Variants in KDM4B observed in about 807,000 individuals in gnomAD.
KDM4B encodes the protein lysine demethylase 4B.
In KDM4B, 32 loss-of-function variants were observed where a neutral mutation model predicts 125.2. The observed-to-expected ratio is 0.26, with a 90% CI of 0.19 to 0.34. The LOEUF (loss-of-function observed/expected upper bound fraction) is 0.34. Ranked by LOEUF, KDM4B falls within the 10% of genes least tolerant of loss-of-function variation. KDM4B has a pLI of 1.00. For missense variants in KDM4B, 1,190 were observed against 1,577.7 expected, an observed-to-expected ratio of 0.75 and a Z score of 4.16; for synonymous variants, 721 against 677.9, an observed-to-expected ratio of 1.06 and a Z score of -0.99.
intron 1 of KDM4B, among the ~76,000 whole-genome samples, chr19:5,013,137 G>A (rs1732181076): frequency 6.6e-6 from 1 of 152,218 alleles, no homozygotes; most frequent in African/African-American, 2.4e-5. Context: ...CGTGGTCTTG[G>A]TAGCACCGGG....
rs532407959 is a variant in KDM4B, at chr19:5,055,321, G to C, written c.626+7652G>C. On this transcript the variant is annotated intron_variant, in intron 6 of 22. Transcript: ENST00000159111. ...CAGGCTGGCTCCTGGCTCTTGCTGGGAGCTGGCAGGGACAGACACAGACAC... is the reference window on the plus strand; with the variant it reads ...CAGGCTGGCTCCTGGCTCTTGCTGGCAGCTGGCAGGGACAGACACAGACAC... Among the ~76,000 whole-genome samples the C allele has an allele frequency of 3.3e-5, 5 of 152,368 alleles. No homozygotes were observed. In the East Asian group the frequency reaches 9.6e-4, roughly 29 times the overall value.
intron 1 of KDM4B, among the ~76,000 whole-genome samples, chr19:5,006,005 G>A (rs2035545824): frequency 6.6e-6 from 1 of 152,182 alleles, no homozygotes; most frequent in African/African-American, 2.4e-5. Context: ...CACCTGATCT[G>A]GGGGCTGTGG....
chr19:5,042,642 A>G (rs1225900657), intron 5 of KDM4B, among the ~76,000 whole-genome samples: 1 of 151,932 alleles, frequency 6.6e-6, no homozygotes, highest in Non-Finnish European at 1.5e-5. Context: ...GGCAAAGGTG[A>G]AGGAGGAGCT....
At chr19:4,999,348 C>T (rs1269851812) in intron 1 of KDM4B, among the ~76,000 whole-genome samples, 1 of 152,182 alleles carries the variant, frequency 6.6e-6, no homozygotes, top group Non-Finnish European at 1.5e-5. Context: ...CATGTCCCCA[C>T]CCTGCTCGGA....
At chr19:5,010,369 G>A (rs1465183374) in intron 1 of KDM4B, among the ~76,000 whole-genome samples, 1 of 152,202 alleles carries the variant, frequency 6.6e-6, no homozygotes, top group Non-Finnish European at 1.5e-5. Context: ...GGCTCAGCGT[G>A]GTGGTGTTGA....
intron 1 of KDM4B, among the ~76,000 whole-genome samples, chr19:5,007,010 G>A (rs1011293571): frequency 6.6e-6 from 1 of 152,184 alleles, no homozygotes; most frequent in Non-Finnish European, 1.5e-5. Context: ...ACGAGGCGGG[G>A]CGGGGGTGGT....
intron 15 of KDM4B, among the ~76,000 whole-genome samples, chr19:5,135,773 G>A (rs904357459): frequency 6.6e-6 from 1 of 152,224 alleles, no homozygotes; most frequent in Non-Finnish European, 1.5e-5. Flanking sequence ...ATCTAGAGCA[G>A]GGGGAAAGGC....
At chr19:5,048,364 G>GCC (rs2037100312) in intron 6 of KDM4B, among the ~76,000 whole-genome samples, 1 of 152,226 alleles carries the variant, frequency 6.6e-6, no homozygotes, top group Non-Finnish European at 1.5e-5. Context: ...GCGTGTGTGT[G>GCC]CCCCTGTGTC....
rs1232647875 is a variant in KDM4B at position 5,060,453 on chromosome 19, AAAAAAAAAAAG to A, written c.627-10556_627-10546del. ...GTCTCCAAAAAAAAAAAAAAAAAAA[AAAAAAAAAAAG>A]GGAGCCATGATTGTTCTCCAGCTGC... On this transcript the variant is annotated intron_variant, in intron 6 of 22. Transcript: ENST00000159111. Among the ~76,000 whole-genome samples the A allele has an allele frequency of 5.3e-4, 76 of 143,776 alleles. 4 individuals are homozygous for A. In the East Asian group the frequency reaches 7.2e-3, roughly 14 times the overall value. 94.3% of individuals were successfully genotyped at this position (143,776 alleles called of 152,430 possible).
At chr19:4,970,673 A>G (rs572315163) in intron 1 of KDM4B, among the ~76,000 whole-genome samples, 1 of 146,306 alleles carries the variant, frequency 6.8e-6, no homozygotes, top group Admixed American at 6.9e-5. Flanking sequence ...TTCTCCAATA[A>G]TAGCTTCCTT....
chr19:5,089,467 T>C (rs1288592873), intron 9 of KDM4B, among the ~76,000 whole-genome samples: 3 of 152,166 alleles, frequency 2.0e-5, no homozygotes, highest in Non-Finnish European at 2.9e-5. Context: ...GTTTGCTCCA[T>C]GAGGTTTGCT....
At chr19:5,119,068 G>C in intron 10 of KDM4B, 1 of 1,173,030 alleles carries the variant, frequency 8.5e-7, no homozygotes, top group Non-Finnish European at 1.2e-6. Context: ...GGCGTCCTGG[G>C]GAGTTGAGCA....
At chr19:4,976,956 A>G (rs1466573637) in intron 1 of KDM4B, among the ~76,000 whole-genome samples, 1 of 152,236 alleles carries the variant, frequency 6.6e-6, no homozygotes, top group Non-Finnish European at 1.5e-5. Flanking sequence ...CCTTGATTGA[A>G]ATAAACAATC....
In KDM4B at chr19:5,005,739, C is replaced by A. The variant is rs151257343; in HGVS notation, c.-108-10518C>A. 5.3e-5 allele frequency among the ~76,000 whole-genome samples: 8 copies of A among 152,298 alleles called. No individual in the cohort carries two copies. In the East Asian group the frequency reaches 1.4e-3, roughly 26 times the overall value. On this transcript the variant is annotated intron_variant, in intron 1 of 22. Transcript: ENST00000159111. ...CTCACCCAGGACGTCCCTCTAAGATCGCTCTTAGAGGCTACAGGGCCACGG... is the reference window on the plus strand; with the variant it reads ...CTCACCCAGGACGTCCCTCTAAGATAGCTCTTAGAGGCTACAGGGCCACGG...
At position 5,081,245 on chromosome 19, in the gene KDM4B, A is replaced by C. The variant is rs1405450527; in HGVS notation, c.781-1122A>C. On this transcript the variant is annotated intron_variant, in intron 8 of 22. Transcript: ENST00000159111. The surrounding 1 kb of genome is among the most constrained non-coding windows in gnomAD (Gnocchi z 4.2). ...GTCTGTGGATTGGGCCCACAGCCCC[A>C]CCTCCTAGAAGCCCTTGGCCTGAGC... 2.0e-5 allele frequency among the ~76,000 whole-genome samples: 3 copies of C among 152,088 alleles called. No homozygotes were observed. The highest frequency in any genetic ancestry group is 7.2e-5 in the African/African-American group (3 of 41,386).
chr19:5,066,916 G>A (rs1010336259), intron 6 of KDM4B, among the ~76,000 whole-genome samples: 3 of 152,218 alleles, frequency 2.0e-5, no homozygotes, highest in African/African-American at 7.2e-5. Flanking sequence ...GCTGTGGACA[G>A]TGGTGCAGAG....
At chr19:5,109,711 G>A (rs955460178) in intron 9 of KDM4B, among the ~76,000 whole-genome samples, 2 of 152,052 alleles carry the variant, frequency 1.3e-5, no homozygotes, top group African/African-American at 4.8e-5. Context: ...TAACATTGTC[G>A]TCCCTCCAGC....
At chr19:5,016,189 C>A (rs924544302) in intron 1 of KDM4B, 68 bp from the exon 2 acceptor site, 1 of 152,158 alleles carries the variant, frequency 6.6e-6, no homozygotes, top group Admixed American at 6.5e-5. Flanking sequence ...TGGTGGGAGT[C>A]GAATTTAGAA....
Position 5,151,285 on chromosome 19 carries a change from G to C in KDM4B, c.3115-50G>C, listed in dbSNP as rs754175720. On this transcript the variant is annotated intron_variant, in intron 22 of 22. Coordinates refer to ENST00000159111, the MANE Select transcript of KDM4B (RefSeq NM_015015.3). The stretch of plus-strand genomic sequence containing the variant: ...GAGGCCATAGACAGTGGCTGGGGCC[G>C]CACAGAGTGTCTCCACCGTGCTAAC... 3 of 1,392,498 alleles carry C rather than the reference G, an allele frequency of 2.2e-6. No individual in the cohort carries two copies. The Admixed American group carries it at 8.9e-5, about 41-fold the overall frequency. 86.3% of individuals were successfully genotyped at this position (1,392,498 alleles called of 1,614,324 possible).
Sources: allele counts gnomAD v4.1 joint callset (sites outside exome capture counted in the v4.1 genomes callset), GRCh38; gene constraint gnomAD v4.1.1; non-coding constraint Gnocchi (gnomAD v3.1); transcripts MANE v1.5; gene names NCBI Gene and HGNC (gene_info 2026-07-23, HGNC 2026-07-21).